D2HGDH: variants seen among roughly 807,000 people sequenced by gnomAD.
The protein encoded by D2HGDH is D-2-hydroxyglutarate dehydrogenase, mitochondrial.
In D2HGDH, 31 loss-of-function variants were observed where a neutral mutation model predicts 46.9. That is an observed-to-expected ratio of 0.66 (90% CI 0.50 to 0.89). The LOEUF is 0.89. D2HGDH is among the 40% of genes least tolerant of loss of function. The probability of loss-of-function intolerance (pLI) is 0.00; values close to 1 mark genes in which losing one functional copy is unlikely to be tolerated. For synonymous variants in D2HGDH, 364 were observed against 332.6 expected, an observed-to-expected ratio of 1.09 and a Z score of -1.03; for missense variants, 698 against 720.8, an observed-to-expected ratio of 0.97 and a Z score of 0.36.
rs570230639 is a variant in D2HGDH at position 241,752,573 on chromosome 2, C to T, written c.1140+1185C>T. 3.3e-5 allele frequency among the ~76,000 whole-genome samples: 5 copies of T among 152,062 alleles called. No individual in the cohort carries two copies. The East Asian group carries it at 9.7e-4, about 29-fold the overall frequency. On this transcript the variant is annotated intron_variant, in intron 8 of 9. Transcript: ENST00000321264. ...CTCCTGTGGCTTCCAGTCCAGGGGC[C>T]CGGGCTGAGGCAGCTGCCCAGCCAG...
chr2:241,747,551 T>TTG (rs1553606613), intron 6 of D2HGDH, among the ~76,000 whole-genome samples: 2 of 151,252 alleles, frequency 1.3e-5, no homozygotes, highest in African/African-American at 2.4e-5. Flanking sequence ...AGAGTGTTTT[T>TTG]TTTTTTTTTT....
chr2:241,756,499 A>G (rs929580376), intron 9 of D2HGDH, among the ~76,000 whole-genome samples: 3 of 152,214 alleles, frequency 2.0e-5, no homozygotes, highest in Non-Finnish European at 4.4e-5. Flanking sequence ...CTATTAATTC[A>G]TAGGAAGAAA....
intron 8 of D2HGDH, 107 bp downstream of exon 8, chr2:241,751,495 G>A (rs1203357823): frequency 2.0e-6 from 3 of 1,513,058 alleles, no homozygotes; most frequent in African/African-American, 1.4e-5. Context: ...TGTGGGATGT[G>A]GCTGAAATGT....
chr2:241,762,945 G>T (rs1423227262), intron 9 of D2HGDH, among the ~76,000 whole-genome samples: 1 of 152,180 alleles, frequency 6.6e-6, no homozygotes, highest in Non-Finnish European at 1.5e-5. Context: ...CTTCTTGTGT[G>T]TGTGATTTTT....
chr2:241,744,573 G>T (rs146989828), intron 5 of D2HGDH, 136 bp from the exon 6 acceptor site: 2 of 1,094,508 alleles, frequency 1.8e-6, no homozygotes, highest in Admixed American at 3.8e-5. Context: ...GGTGTCACTC[G>T]TACAGGAGGA....
chr2:241,748,960 C>T, intron 6 of D2HGDH: 1 of 1,278,328 alleles, frequency 7.8e-7, no homozygotes, highest in Non-Finnish European at 1.0e-6. Context: ...ACAGGAGTCA[C>T]TCGCCTCTTC....
intron 2 of D2HGDH, among the ~76,000 whole-genome samples, chr2:241,737,980 C>T (rs998114776): frequency 1.3e-5 from 2 of 152,070 alleles, no homozygotes; most frequent in East Asian, 1.9e-4. Context: ...GTTTCCAGAC[C>T]GTGTAATCTG....
At chr2:241,755,678 G>T in intron 8 of D2HGDH, 171 bp from the exon 9 acceptor site, 1 of 1,547,656 alleles carries the variant, frequency 6.5e-7, no homozygotes, top group Non-Finnish European at 8.7e-7. Flanking sequence ...TGGGACATTC[G>T]CTGTCTGGGG....
intron 9 of D2HGDH, among the ~76,000 whole-genome samples, chr2:241,760,722 C>T (rs1329985730): frequency 6.6e-6 from 1 of 151,856 alleles, no homozygotes; most frequent in African/African-American, 2.4e-5. Flanking sequence ...TCGAAGGCCA[C>T]AAGAGCAGAA....
rs753658202 is a variant in D2HGDH at position 241,741,063 on chromosome 2, C to T, written c.323C>T (p.Thr108Met). 10 of 1,613,926 alleles carry T rather than the reference C, an allele frequency of 6.2e-6. No individual in the cohort carries two copies. The highest frequency in any genetic ancestry group is 2.2e-5 in the East Asian group (1 of 44,888). ...GCSKVLLRPR[T>M]SEEVSHILRH... Reference sequence around the variant, plus strand: ...AGCAAGGTGCTGCTGAGGCCACGGACGTCGGAGGAGGTGTCCCACATCCTC... The same window carrying T: ...AGCAAGGTGCTGCTGAGGCCACGGATGTCGGAGGAGGTGTCCCACATCCTC... The change falls in exon 3 of 10, where the codon ACG becomes ATG. Residue 108 changes from threonine (T) to methionine (M), a missense_variant. Physicochemically the swap from Thr to Met is moderately conservative, Grantham distance 81 (BLOSUM62 -1). Coordinates refer to ENST00000321264, the MANE Select transcript of D2HGDH (RefSeq NM_152783.5).
At chr2:241,763,740 C>T (rs923459190) in intron 9 of D2HGDH, among the ~76,000 whole-genome samples, 3 of 152,276 alleles carry the variant, frequency 2.0e-5, no homozygotes, top group South Asian at 4.1e-4. Context: ...TATTCACATA[C>T]TTTGTGGACG....
At chr2:241,756,048 T>C in intron 9 of D2HGDH, 34 bp downstream of exon 9, 1 of 1,577,972 alleles carries the variant, frequency 6.3e-7, no homozygotes, top group Non-Finnish European at 8.6e-7. Flanking sequence ...GCCCTGTGTG[T>C]GCTGGGTGGT....
chr2:241,735,709 TTTG>T (rs371464681), intron 2 of D2HGDH, among the ~76,000 whole-genome samples, 193 bp downstream of exon 2: 1,948 of 152,194 alleles, frequency 0.013, 32 homozygotes, highest in African/African-American at 0.043. Flanking sequence ...CAACCCAAGT[TTTG>T]TTGTTGTTGT....
chr2:241,752,117 G>A (rs190398962), intron 8 of D2HGDH, among the ~76,000 whole-genome samples: 76 of 151,310 alleles, frequency 5.0e-4, no homozygotes, highest in African/African-American at 1.7e-3. Context: ...CTGAGCAGTG[G>A]GCGCAGGACT....
chr2:241,749,427 C>T (rs928756899), intron 6 of D2HGDH: 2 of 1,213,428 alleles, frequency 1.6e-6, no homozygotes, highest in African/African-American at 1.6e-5. Flanking sequence ...CCTGCTGCAG[C>T]GTCTCTGGGG....
At position 241,750,168 on chromosome 2, in the gene D2HGDH, G is replaced by C. The variant is rs1696888119; in HGVS notation, c.871G>C (p.Glu291Gln). The C allele has an allele frequency of 1.2e-6, 2 of 1,613,962 alleles. No homozygotes were observed. Among genetic ancestry groups the C allele is most frequent in the Non-Finnish European group, 1.7e-6 (2 of 1,180,024 alleles). ...CGTTTCAGGCTGCCCAGGCTTTGCT[G>C]AGGTTCTGCAGACCTTCAGCACCTG... ...VAFLGCPGFA[E>Q]VLQTFSTCKG... The change falls in exon 7 of 10, where the codon GAG becomes CAG. Residue 291 changes from glutamate to glutamine, a missense_variant. Glu to Gln is a conservative substitution (Grantham distance 29). Coordinates refer to ENST00000321264, the MANE Select transcript of D2HGDH (RefSeq NM_152783.5).
At position 241,755,097 on chromosome 2, in the gene D2HGDH, A is replaced by G. The variant is rs890278845; in HGVS notation, c.1141-752A>G. On this transcript the variant is annotated intron_variant, in intron 8 of 9. Coordinates refer to ENST00000321264, the MANE Select transcript of D2HGDH (RefSeq NM_152783.5). ...CAAAAGCCACGCAAACCACAGGCCG[A>G]TCTGTCTGAGCCCTAGGATTTGGCC... The G allele has an allele frequency of 2.3e-6, 3 of 1,303,848 alleles. No individual in the cohort carries two copies. In the African/African-American group the frequency reaches 4.6e-5, roughly 20 times the overall value. The allele number at this position is 1,303,848 out of a possible 1,614,324, so 80.8% of individuals were successfully genotyped here. A position where few individuals can be genotyped will look rare whatever the true frequency, so the allele number is the denominator to read the frequency against.
In D2HGDH at chr2:241,738,591, A is replaced by C. The variant is rs193004779; in HGVS notation, c.293-2442A>C. On this transcript the variant is annotated intron_variant, in intron 2 of 9. Coordinates refer to ENST00000321264, the MANE Select transcript of D2HGDH (RefSeq NM_152783.5). Reference sequence around the variant, plus strand: ...CTGTAACTGAGATTGAGGGGTGACCACGCTCTTCCTCTCCTCTGCCTTGCC... The same window carrying C: ...CTGTAACTGAGATTGAGGGGTGACCCCGCTCTTCCTCTCCTCTGCCTTGCC... Among the ~76,000 whole-genome samples, 16 of 152,322 alleles carry C rather than the reference A, an allele frequency of 1.1e-4. No homozygotes were observed. The East Asian group carries it at 2.9e-3, about 28-fold the overall frequency.
chr2:241,741,273 A>G (rs138861489), intron 3 of D2HGDH, among the ~76,000 whole-genome samples, 183 bp downstream of exon 3: 72 of 152,162 alleles, frequency 4.7e-4, no homozygotes, highest in African/African-American at 1.7e-3. Context: ...GTGTGTAATC[A>G]TTTCCCCCCA....
Sources: allele counts gnomAD v4.1 joint callset (sites outside exome capture counted in the v4.1 genomes callset), GRCh38; gene constraint gnomAD v4.1.1; transcripts MANE v1.5; gene names NCBI Gene and HGNC (gene_info 2026-07-23, HGNC 2026-07-21).